The following CEP63 variants were observed in gnomAD, a reference collection of about 807,000 sequenced individuals.
CEP63 encodes the protein centrosomal protein of 63 kDa.
In CEP63, 84 loss-of-function variants were observed where a neutral mutation model predicts 89.1. The ratio of observed to expected loss-of-function variants is 0.94; its 90% CI spans 0.79 to 1.13. The LOEUF is 1.13. CEP63 is among the 50% of genes most tolerant of loss of function. The pLI is 0.00. For synonymous variants in CEP63, 267 were observed against 272.5 expected (o/e 0.98, Z 0.20); for missense variants, 838 against 813.3 (o/e 1.03, Z -0.37).
intron 10 of CEP63, among the ~76,000 whole-genome samples, chr3:134,583,901 T>C (rs1958421674): frequency 6.6e-6 from 1 of 152,200 alleles, no homozygotes. Flanking sequence ...TTCACATCCC[T>C]TGTAAGTTGG....
chr3:134,529,136 T>C (rs1363019308), intron 3 of CEP63, among the ~76,000 whole-genome samples: 1 of 152,190 alleles, frequency 6.6e-6, no homozygotes, highest in Non-Finnish European at 1.5e-5. Flanking sequence ...CTTCACAAAA[T>C]TGGGATTTTA....
At chr3:134,589,724 C>T (rs907469866), downstream of CEP63, among the ~76,000 whole-genome samples, 6 of 152,096 alleles carry the variant, frequency 3.9e-5, no homozygotes, top group East Asian at 1.9e-4. Context: ...AAATACCATT[C>T]GACCCAGCAA....
At chr3:134,765,509 C>T in the CEP63 span, among the ~76,000 whole-genome samples, 16 of 152,188 alleles carry the variant, frequency 1.1e-4, no homozygotes, top group Non-Finnish European at 2.2e-4. Flanking sequence ...CATGTAGGGT[C>T]TCCTGGAGGA....
downstream of CEP63, among the ~76,000 whole-genome samples, chr3:134,587,817 C>T (rs562655006): frequency 1.3e-5 from 2 of 149,028 alleles, no homozygotes; most frequent in East Asian, 3.9e-4. Flanking sequence ...ATTTGGCCAT[C>T]TTGGAATGGA....
chr3:134,718,645 T>C, the CEP63 span, among the ~76,000 whole-genome samples: 2 of 152,242 alleles, frequency 1.3e-5, no homozygotes, highest in African/African-American at 4.8e-5. Context: ...CATTTTAAAC[T>C]CACCAATCAT....
chr3:134,642,691 A>G, the CEP63 span, among the ~76,000 whole-genome samples: 1 of 152,210 alleles, frequency 6.6e-6, no homozygotes, highest in Non-Finnish European at 1.5e-5. Flanking sequence ...GGAGAGGCCG[A>G]AGAACTGCTA....
chr3:134,759,532 T>G, the CEP63 span, among the ~76,000 whole-genome samples: 2 of 152,202 alleles, frequency 1.3e-5, no homozygotes, highest in African/African-American at 4.8e-5. Context: ...AGCACCTGGA[T>G]TTTGAAACTC....
downstream of CEP63, among the ~76,000 whole-genome samples, chr3:134,577,132 G>A (rs1958233205): frequency 6.6e-6 from 1 of 152,082 alleles, no homozygotes; most frequent in Non-Finnish European, 1.5e-5. Context: ...TGTCTGCAGG[G>A]CTCCAAACAA....
chr3:134,717,183 C>T, the CEP63 span, among the ~76,000 whole-genome samples: 1 of 152,218 alleles, frequency 6.6e-6, no homozygotes, highest in African/African-American at 2.4e-5. Context: ...AACACGTGAA[C>T]AATGGCTGAG....
chr3:134,581,174 A>G (rs1958336822), intron 10 of CEP63, among the ~76,000 whole-genome samples: 1 of 152,246 alleles, frequency 6.6e-6, no homozygotes, highest in African/African-American at 2.4e-5. Flanking sequence ...AGTATAGCCC[A>G]GAGAACCTCA....
the CEP63 span, among the ~76,000 whole-genome samples, chr3:134,649,190 GA>G: frequency 6.6e-6 from 1 of 152,164 alleles, no homozygotes; most frequent in African/African-American, 2.4e-5. Flanking sequence ...AATATTTGGA[GA>G]AAAAGTTCAG....
At chr3:134,743,959 C>T in the CEP63 span, among the ~76,000 whole-genome samples, 1 of 152,160 alleles carries the variant, frequency 6.6e-6, no homozygotes, top group Non-Finnish European at 1.5e-5. Context: ...AGGCAGAGCA[C>T]AGAAGTCATG....
the CEP63 span, among the ~76,000 whole-genome samples, chr3:134,740,359 G>T: frequency 6.6e-6 from 1 of 151,638 alleles, no homozygotes; most frequent in Non-Finnish European, 1.5e-5. Flanking sequence ...GTGCAGTGGT[G>T]CAATCTCAGC....
At chr3:134,748,020 G>C in the CEP63 span, among the ~76,000 whole-genome samples, 46 of 152,254 alleles carry the variant, frequency 3.0e-4, no homozygotes, top group African/African-American at 1.1e-3. Flanking sequence ...TCCTGACCTT[G>C]TGATCCTCCC....
chr3:134,558,289 G>C lies in CEP63; in HGVS notation c.1615G>C (p.Asp539His), dbSNP rs768438089. 6.2e-7 allele frequency: 1 copy of C among 1,613,812 alleles called. No homozygotes were observed. The highest frequency in any genetic ancestry group is 8.5e-7 in the Non-Finnish European group (1 of 1,179,856). Residue 539 changes from aspartate to histidine, a missense_variant, in exon 13 of 15, where the codon GAC becomes CAC. Transcript: ENST00000675561. Reference protein sequence around the residue: ...ISTQMCKKQNDRIFKPTHSRT... With the variant: ...ISTQMCKKQNHRIFKPTHSRT... ...TACTCAGATGTGCAAAAAACAAAATGACAGGATCTTTAAACCAACACACAG... is the reference window on the plus strand; with the variant it reads ...TACTCAGATGTGCAAAAAACAAAATCACAGGATCTTTAAACCAACACACAG...
the CEP63 span, among the ~76,000 whole-genome samples, chr3:134,727,911 A>C: frequency 6.6e-6 from 1 of 152,114 alleles, no homozygotes; most frequent in Non-Finnish European, 1.5e-5. Flanking sequence ...CTATGCTGTA[A>C]ATCTTCCCTA....
intron 12 of CEP63, among the ~76,000 whole-genome samples, chr3:134,553,957 A>G (rs964716208): frequency 5.3e-5 from 8 of 152,138 alleles, no homozygotes; most frequent in Non-Finnish European, 5.9e-5. Flanking sequence ...TTAATTTTTG[A>G]TTTTATGAAT....
chr3:134,613,026 C>T, the CEP63 span: 1 of 154,326 alleles, frequency 6.5e-6, no homozygotes. Flanking sequence ...CCATTGCTGC[C>T]TAGAATGTCT....
At chr3:134,596,097 T>C in the CEP63 span, among the ~76,000 whole-genome samples, 2 of 152,162 alleles carry the variant, frequency 1.3e-5, no homozygotes, top group Non-Finnish European at 1.5e-5. Context: ...GCAGGTGCCC[T>C]CAGCTAAATT....
Sources: gnomAD v4.1 joint callset for allele counts (sites outside exome capture counted in the v4.1 genomes callset) on GRCh38, gnomAD v4.1.1 for gene constraint, MANE v1.5 for transcripts, NCBI Gene and HGNC (gene_info 2026-07-23, HGNC 2026-07-21) for gene names.